The following ZFHX3 variants were observed in gnomAD, a reference collection of about 807,000 sequenced individuals.
ZFHX3 encodes zinc finger homeobox 3, also known as zinc finger homeobox protein 3.
ZFHX3 carries 42 observed loss-of-function variants against 279.1 expected under a neutral mutation model. The observed-to-expected ratio is 0.15, with a 90% CI of 0.12 to 0.19. The LOEUF (loss-of-function observed/expected upper bound fraction) is 0.19, where lower values mean the gene tolerates loss of function less well. Among genes scored for constraint, ZFHX3 ranks in the 10% least tolerant of loss-of-function variants. ZFHX3 has a pLI of 1.00. For synonymous variants in ZFHX3, 2,293 were observed against 1,957.8 expected (o/e 1.17, Z -4.52); for missense variants, 4,981 against 4,754.0 (o/e 1.05, Z -1.40).
intron 1 of ZFHX3, among the ~76,000 whole-genome samples, chr16:73,716,364 A>G (rs1473158514): frequency 6.6e-6 from 1 of 152,174 alleles, no homozygotes; most frequent in African/African-American, 2.4e-5. Context: ...TTCAGCATGT[A>G]ATTTCCACAG....
At chr16:73,686,556 G>T (rs2053086420) in intron 1 of ZFHX3, among the ~76,000 whole-genome samples, 1 of 152,182 alleles carries the variant, frequency 6.6e-6, no homozygotes, top group South Asian at 2.1e-4. Context: ...GGAAACTCAT[G>T]CTCAGAGAAG....
chr16:73,219,715 A>G (rs2012344704), intron 5 of ZFHX3, among the ~76,000 whole-genome samples: 1 of 152,216 alleles, frequency 6.6e-6, no homozygotes, highest in African/African-American at 2.4e-5. Context: ...CTATCTTGGA[A>G]TCAGGTTGGT....
At chr16:73,125,670 C>A (rs1211707926) in intron 7 of ZFHX3, among the ~76,000 whole-genome samples, 1 of 152,122 alleles carries the variant, frequency 6.6e-6, no homozygotes, top group African/African-American at 2.4e-5. Flanking sequence ...GAACACTGGA[C>A]TCCAAATTCT....
intron 3 of ZFHX3, among the ~76,000 whole-genome samples, chr16:72,913,953 G>A (rs1453988073): frequency 6.6e-6 from 1 of 152,184 alleles, no homozygotes; most frequent in African/African-American, 2.4e-5. Context: ...ACAGCCAGAT[G>A]AATGAGATGG....
chr16:73,776,172 G>A (rs1414934138), intron 1 of ZFHX3, among the ~76,000 whole-genome samples: 1 of 152,090 alleles, frequency 6.6e-6, no homozygotes, highest in East Asian at 1.9e-4. Flanking sequence ...ATCGCGTTGT[G>A]CTTCCTCCAC....
At chr16:73,278,625 C>T (rs2014370942) in intron 4 of ZFHX3, among the ~76,000 whole-genome samples, 1 of 152,184 alleles carries the variant, frequency 6.6e-6, no homozygotes, top group Admixed American at 6.5e-5. Flanking sequence ...CCTTATCTGT[C>T]CCCACCCACG....
At chr16:73,057,965 G>C (rs1381924603) in intron 1 of ZFHX3, among the ~76,000 whole-genome samples, 5 of 147,882 alleles carry the variant, frequency 3.4e-5, no homozygotes, top group Non-Finnish European at 7.5e-5. Flanking sequence ...GGCGCCTCTC[G>C]GGGTGGGGCA....
At chr16:73,598,178 C>A (rs1355034471) in intron 2 of ZFHX3, among the ~76,000 whole-genome samples, 1 of 152,162 alleles carries the variant, frequency 6.6e-6, no homozygotes, top group Non-Finnish European at 1.5e-5. Context: ...TTCTATGAGA[C>A]ATATAAGACT....
intron 2 of ZFHX3, among the ~76,000 whole-genome samples, chr16:73,653,776 G>T (rs986144730): frequency 2.0e-5 from 3 of 150,070 alleles, no homozygotes; most frequent in Admixed American, 2.0e-4. Context: ...TTCCTTGAAA[G>T]GAGTAAAATT....
intron 5 of ZFHX3, among the ~76,000 whole-genome samples, chr16:73,185,059 C>T (rs1395925781): frequency 6.6e-6 from 1 of 151,862 alleles, no homozygotes; most frequent in Non-Finnish European, 1.5e-5. Flanking sequence ...CTCACTGCAG[C>T]CTTGACTTCC....
chr16:73,567,560 C>A (rs1422900206), intron 2 of ZFHX3, among the ~76,000 whole-genome samples: 1 of 152,332 alleles, frequency 6.6e-6, no homozygotes, highest in Non-Finnish European at 1.5e-5. Context: ...AAGGTCATTC[C>A]ATGGAACCAA....
chr16:73,140,127 C>A (rs529077628), intron 6 of ZFHX3, among the ~76,000 whole-genome samples: 1 of 151,888 alleles, frequency 6.6e-6, no homozygotes, highest in Non-Finnish European at 1.5e-5. Flanking sequence ...ATTAGCTGGG[C>A]ATGGTGGGCA....
chr16:73,432,199 G>T (rs953596144), intron 3 of ZFHX3, among the ~76,000 whole-genome samples: 2 of 152,068 alleles, frequency 1.3e-5, no homozygotes, highest in African/African-American at 2.4e-5. Context: ...TGATACTAGG[G>T]ATAGCAAATG....
rs117499774 is a variant in ZFHX3, at chr16:73,193,909, T to C, written c.-1103-50078A>G. 4.9e-3 allele frequency among the ~76,000 whole-genome samples: 748 copies of C among 152,336 alleles called. 3 individuals are homozygous for C. The highest frequency in any genetic ancestry group is 0.017 in the Middle Eastern group (5 of 294). On this transcript the variant is annotated intron_variant, in intron 5 of 17. Transcript: ENST00000641206. ...CCTGGCACATGGTATACACTCAAGA[T>C]GTAGTGACAGTATAATCGTCATGAG...
intron 5 of ZFHX3, among the ~76,000 whole-genome samples, chr16:73,227,797 C>T (rs1195208924): frequency 1.6e-5 from 2 of 125,590 alleles, no homozygotes; most frequent in East Asian, 2.6e-4. Flanking sequence ...TGCAGTGAGT[C>T]GAGATTGCAC....
chr16:73,868,425 G>A (rs771964474), intron 1 of ZFHX3, among the ~76,000 whole-genome samples: 19 of 152,240 alleles, frequency 1.2e-4, no homozygotes, highest in Non-Finnish European at 2.6e-4. Context: ...TCGGGAGGCC[G>A]AGACAGGTGA....
intron 2 of ZFHX3, among the ~76,000 whole-genome samples, chr16:72,955,142 T>C (rs935231751): frequency 7.2e-5 from 11 of 152,198 alleles, no homozygotes; most frequent in African/African-American, 2.7e-4. Context: ...ATAAAGGATT[T>C]GTGGCTCTCA....
chr16:72,979,368 A>G (rs1001227612), intron 1 of ZFHX3, among the ~76,000 whole-genome samples: 2 of 152,198 alleles, frequency 1.3e-5, no homozygotes, highest in Non-Finnish European at 2.9e-5. Flanking sequence ...GGAGCTCCTC[A>G]AAAAGACAAG....
chr16:72,826,355 A>T (rs1422876656), intron 5 of ZFHX3, among the ~76,000 whole-genome samples: 7 of 152,230 alleles, frequency 4.6e-5, no homozygotes, highest in African/African-American at 1.7e-4. Flanking sequence ...CTGAAATATT[A>T]TTAATCTGCA....
Sources: gnomAD v4.1 joint callset for allele counts (sites outside exome capture counted in the v4.1 genomes callset) on GRCh38, gnomAD v4.1.1 for gene constraint, MANE v1.5 for transcripts, NCBI Gene and HGNC (gene_info 2026-07-23, HGNC 2026-07-21) for gene names.